Variants in JAGN1 observed in about 807,000 individuals in gnomAD.
JAGN1 encodes the protein protein jagunal homolog 1.
A neutral mutation model predicts 17.1 loss-of-function variants in JAGN1; 13 were observed. The observed-to-expected ratio is 0.76, with a 90% CI of 0.49 to 1.21. The LOEUF (loss-of-function observed/expected upper bound fraction) is 1.21. JAGN1 is among the 50% of genes most tolerant of loss of function. JAGN1 has a pLI of 0.00. For synonymous variants in JAGN1, 111 were observed against 91.0 expected, an observed-to-expected ratio of 1.22 and a Z score of -1.25; for missense variants, 256 against 234.2, an observed-to-expected ratio of 1.09 and a Z score of -0.61.
At chr3:9,892,356 T>TTTTTG in intron 1 of JAGN1, among the ~76,000 whole-genome samples, 2 of 151,350 alleles carry the variant, frequency 1.3e-5, no homozygotes, top group African/African-American at 2.4e-5. Context: ...TTTTTTTTTT[T>TTTTTG]ATGGAGATGG....
In JAGN1 at chr3:9,890,651, C is replaced by T. The variant is rs1009824377; in HGVS notation, c.-72C>T. 98 of 1,433,504 alleles carry T rather than the reference C, an allele frequency of 6.8e-5. No individual in the cohort carries two copies. In the Admixed American group the frequency reaches 7.2e-4, roughly 11 times the overall value. The allele number at this position is 1,433,504 out of a possible 1,614,324, so 88.8% of individuals were successfully genotyped here. On this transcript the variant is annotated 5_prime_UTR_variant, in exon 1 of 2. Transcript: ENST00000647897. ...GCGGCTGCGGGGGCGCAAATAGGGT[C>T]AGTGGGCCGCTTGGCGGTGTCGTTG...
In JAGN1 at chr3:9,893,851, A is replaced by C. The variant is rs994438374; in HGVS notation, c.*474A>C. On this transcript the variant is annotated 3_prime_UTR_variant, in exon 2 of 2. Transcript: ENST00000647897. Reference sequence around the variant, plus strand: ...CCTCAATAAAGATGGCCCTGCCCACACTGTGCCTTGTGTTTGGGGCTTGAT... The same window carrying C: ...CCTCAATAAAGATGGCCCTGCCCACCCTGTGCCTTGTGTTTGGGGCTTGAT... 3 of 167,164 alleles carry C rather than the reference A, an allele frequency of 1.8e-5. No homozygotes were observed. The highest frequency in any genetic ancestry group is 4.0e-5 in the Non-Finnish European group (3 of 75,822). 10.4% of individuals were successfully genotyped at this position (167,164 alleles called of 1,614,324 possible).
At chr3:9,892,238 G>A (rs1054093690) in intron 1 of JAGN1, among the ~76,000 whole-genome samples, 1 of 151,966 alleles carries the variant, frequency 6.6e-6, no homozygotes, top group Non-Finnish European at 1.5e-5. Flanking sequence ...GGATGGTCTC[G>A]ATCTCCTGAC....
chr3:9,893,450 C>A lies in JAGN1; in HGVS notation c.*73C>A. ...TAGTACAGCGGTTCCAAAATCCCTT[C>A]TGGTGATTTTAGCAGCTGTGATGTT... On this transcript the variant is annotated 3_prime_UTR_variant, in exon 2 of 2. Transcript: ENST00000647897. The A allele has an allele frequency of 8.1e-7, 1 of 1,238,352 alleles. No individual in the cohort carries two copies. The highest frequency in any genetic ancestry group is 1.1e-6 in the Non-Finnish European group (1 of 906,594). The allele number at this position is 1,238,352 out of a possible 1,614,324, so 76.7% of individuals were successfully genotyped here.
chr3:9,890,819 G>GT lies in JAGN1; in HGVS notation c.89+9dup, dbSNP rs2082557507. ...CATGCACTACCAGATGAGGTATGAA[G>GT]TGAGGCGAGGAGCACGGAGGCTTTC... On this transcript the variant is annotated intron_variant, in intron 1 of 1. Coordinates refer to ENST00000647897, the MANE Select transcript of JAGN1 (RefSeq NM_032492.4). The GT allele has an allele frequency of 3.8e-6, 6 of 1,593,622 alleles. No homozygotes were observed. The highest frequency in any genetic ancestry group is 5.1e-6 in the Non-Finnish European group (6 of 1,170,526).
rs1203989222 is a variant in JAGN1, at chr3:9,893,297, G to C, written c.472G>C (p.Val158Leu). 6.2e-7 allele frequency: 1 copy of C among 1,614,210 alleles called. No homozygotes were observed. The part of the protein sequence containing the change: ...MYLVLVLAVQ[V>L]HAWQLYYSKK... ...CCTGGTGTTGGTGTTGGCAGTGCAAGTGCATGCCTGGCAGTTGTACTACAG... is the reference window on the plus strand; with the variant it reads ...CCTGGTGTTGGTGTTGGCAGTGCAACTGCATGCCTGGCAGTTGTACTACAG... Residue 158 changes from valine to leucine, a missense_variant, in exon 2 of 2, where the codon GTG becomes CTG. Val to Leu is a conservative substitution (Grantham distance 32). Coordinates refer to ENST00000647897, the MANE Select transcript of JAGN1 (RefSeq NM_032492.4).
intron 1 of JAGN1, among the ~76,000 whole-genome samples, chr3:9,892,224 G>A (rs533665409): frequency 6.6e-6 from 1 of 152,078 alleles, no homozygotes; most frequent in Non-Finnish European, 1.5e-5. Flanking sequence ...CACCGTGTCA[G>A]CCAGGATGGT....
chr3:9,893,608 G>A lies in JAGN1; in HGVS notation c.*231G>A, dbSNP rs950653345. The A allele has an allele frequency of 3.8e-6, 2 of 523,490 alleles. No individual in the cohort carries two copies. Among genetic ancestry groups the A allele is most frequent in the Non-Finnish European group, 6.7e-6 (2 of 297,080 alleles). 32.4% of individuals were successfully genotyped at this position (523,490 alleles called of 1,614,324 possible). On this transcript the variant is annotated 3_prime_UTR_variant, in exon 2 of 2. Coordinates refer to ENST00000647897, the MANE Select transcript of JAGN1 (RefSeq NM_032492.4). ...GCTATGAAACAAATTTCAGCTGTTT[G>A]AAGTTGAACTTTGAGGTTTTTCTTT...
intron 1 of JAGN1, among the ~76,000 whole-genome samples, chr3:9,891,045 G>T (rs1245542242): frequency 6.6e-6 from 1 of 151,640 alleles, no homozygotes; most frequent in African/African-American, 2.4e-5. Context: ...CCAGCCCCGC[G>T]TGGGCTCCCG....
chr3:9,891,506 G>T (rs1181752267), intron 1 of JAGN1, among the ~76,000 whole-genome samples: 2 of 150,898 alleles, frequency 1.3e-5, no homozygotes, highest in Non-Finnish European at 3.0e-5. Flanking sequence ...AAAAAAAACT[G>T]TTCCCTGCCT....
At chr3:9,892,858 T>G in intron 1 of JAGN1, 57 bp from the exon 2 acceptor site, 5 of 1,148,110 alleles carry the variant, frequency 4.4e-6, no homozygotes, top group Non-Finnish European at 6.4e-6. Flanking sequence ...TTGTCTGGCA[T>G]ATAGTTGGTG....
In JAGN1 at chr3:9,893,579, A is replaced by T; in HGVS notation, c.*202A>T. The T allele has an allele frequency of 9.1e-6, 5 of 549,492 alleles. No individual in the cohort carries two copies. The South Asian group carries it at 1.3e-4, about 14-fold the overall frequency. The allele number at this position is 549,492 out of a possible 1,614,324, so 34.0% of individuals were successfully genotyped here. A position where few individuals can be genotyped will look rare whatever the true frequency, so the allele number is the denominator to read the frequency against. On this transcript the variant is annotated 3_prime_UTR_variant, in exon 2 of 2. Coordinates refer to ENST00000647897, the MANE Select transcript of JAGN1 (RefSeq NM_032492.4). ...CCTGGTTGGCTAGAACTGGGTGACC[A>T]ACAGCTATGAAACAAATTTCAGCTG...
intron 1 of JAGN1, 104 bp from the exon 2 acceptor site, chr3:9,892,808 GGCT>G: frequency 1.4e-6 from 1 of 689,764 alleles, no homozygotes; most frequent in Non-Finnish European, 2.5e-6. Flanking sequence ...CCGGCTTCTA[GGCT>G]GTTTTATTCA....
At position 9,894,029 on chromosome 3, in the gene JAGN1, G is replaced by T. The variant is rs2082580655; in HGVS notation, c.*652G>T. ...GTTGTAACCTACAGCTGATTGGTAA[G>T]AACTATGGGCCAGACATTTAATCTC... On this transcript the variant is annotated 3_prime_UTR_variant, in exon 2 of 2. Coordinates refer to ENST00000647897, the MANE Select transcript of JAGN1 (RefSeq NM_032492.4). 1 of 152,494 alleles carries T rather than the reference G, an allele frequency of 6.6e-6. No homozygotes were observed. The highest frequency in any genetic ancestry group is 6.5e-5 in the Admixed American group (1 of 15,314). 9.4% of individuals were successfully genotyped at this position (152,494 alleles called of 1,614,324 possible).
Position 9,893,314 on chromosome 3 carries a change from G to A in JAGN1, c.489G>A (p.Leu163=). The change falls in exon 2 of 2, where the codon TTG becomes TTA. Residue 163 remains leucine, a synonymous_variant. Coordinates refer to ENST00000647897, the MANE Select transcript of JAGN1 (RefSeq NM_032492.4). ...VLAVQVHAWQ[L]YYSKKLLDSW... is the part of the protein sequence containing the mutation. Reference sequence around the variant, plus strand: ...CAGTGCAAGTGCATGCCTGGCAGTTGTACTACAGCAAGAAGCTCCTAGACT... The same window carrying A: ...CAGTGCAAGTGCATGCCTGGCAGTTATACTACAGCAAGAAGCTCCTAGACT... The A allele has an allele frequency of 4.3e-6, 7 of 1,614,198 alleles. No homozygotes were observed. The highest frequency in any genetic ancestry group is 1.7e-5 in the Admixed American group (1 of 60,012).
chr3:9,891,070 C>T (rs2082559516), intron 1 of JAGN1, among the ~76,000 whole-genome samples: 1 of 152,210 alleles, frequency 6.6e-6, no homozygotes, highest in Non-Finnish European at 1.5e-5. Context: ...GCGTGGGCTC[C>T]CGAGTCACGT....
intron 1 of JAGN1, among the ~76,000 whole-genome samples, chr3:9,891,919 A>G (rs1380523994): frequency 2.6e-5 from 4 of 152,182 alleles, no homozygotes; most frequent in South Asian, 2.1e-4. Flanking sequence ...CTCTCTGCCA[A>G]TACCTTCTCC....
rs2082573316 is a variant in JAGN1, at chr3:9,893,023, T to C, written c.198T>C (p.Asp66=). Residue 66 remains aspartate (D), a synonymous_variant, in exon 2 of 2, where the codon GAT becomes GAC. Transcript: ENST00000647897. ...GACACCTGAGGCTCTTGTCACATGA[T>C]CAGGTGGCCATGCCCTATCAGTGGG... ...SVGHLRLLSH[D]QVAMPYQWEY... 6.2e-7 allele frequency: 1 copy of C among 1,614,186 alleles called. No individual in the cohort carries two copies. Among genetic ancestry groups the C allele is most frequent in the Non-Finnish European group, 8.5e-7 (1 of 1,180,018 alleles).
chr3:9,892,981 T>G lies in JAGN1; in HGVS notation c.156T>G (p.Val52=), dbSNP rs747209869. The change falls in exon 2 of 2, where the codon GTT becomes GTG. Residue 52 remains valine (V), a synonymous_variant. Coordinates refer to ENST00000647897, the MANE Select transcript of JAGN1 (RefSeq NM_032492.4). ...ATCTGGTCATATGGCTGCTGCTGGT[T>G]GCTAAGATGAGCGTGGGACACCTGA... ...YVHLVIWLLL[V]AKMSVGHLRL... is the part of the protein sequence containing the mutation. 1 of 1,614,236 alleles carries G rather than the reference T, an allele frequency of 6.2e-7. No individual in the cohort carries two copies. The highest frequency in any genetic ancestry group is 1.1e-5 in the South Asian group (1 of 91,088).
Sources: allele counts gnomAD v4.1 joint callset (sites outside exome capture counted in the v4.1 genomes callset), GRCh38; gene constraint gnomAD v4.1.1; transcripts MANE v1.5; gene names NCBI Gene and HGNC (gene_info 2026-07-23, HGNC 2026-07-21).